The following UPK1A variants were observed in gnomAD, a reference collection of about 807,000 sequenced individuals.
UPK1A encodes uroplakin-1a.
Under a neutral mutation model 32.3 loss-of-function variants are expected in UPK1A, and 31 were observed. The ratio of observed to expected loss-of-function variants is 0.96; its 90% CI spans 0.72 to 1.30. The LOEUF (loss-of-function observed/expected upper bound fraction) is 1.30, where lower values mean the gene tolerates loss of function less well. Among genes scored for constraint, UPK1A ranks in the 50% most tolerant of loss-of-function variants. The probability of loss-of-function intolerance (pLI) is 0.00; values close to 1 mark genes in which losing one functional copy is unlikely to be tolerated. For missense variants in UPK1A, 340 were observed against 357.4 expected, an observed-to-expected ratio of 0.95 and a Z score of 0.39; for synonymous variants, 135 against 137.1, an observed-to-expected ratio of 0.98 and a Z score of 0.11.
At chr19:35,672,290 C>G (rs1230369208) in intron 3 of UPK1A, among the ~76,000 whole-genome samples, 2 of 152,196 alleles carry the variant, frequency 1.3e-5, no homozygotes, top group African/African-American at 4.8e-5. Flanking sequence ...GAGACAGGGT[C>G]TCACTCTGTT....
chr19:35,673,395 C>T lies in UPK1A; in HGVS notation c.361-43C>T, dbSNP rs766261992. The T allele has an allele frequency of 3.7e-6, 6 of 1,611,000 alleles. No individual in the cohort carries two copies. In the Admixed American group the frequency reaches 8.3e-5, roughly 22 times the overall value. ...GCGGGGCGGAGGTCGTCCTCTCTCC[C>T]CACCCAGCCCTGCCGGCCCTTGTTC... On this transcript the variant is annotated intron_variant, in intron 4 of 7. Transcript: ENST00000617999.
chr19:35,676,337 C>T (rs963547481), intron 6 of UPK1A: 12 of 480,676 alleles, frequency 2.5e-5, no homozygotes, highest in East Asian at 2.2e-4. Flanking sequence ...ATTACAGGTG[C>T]GCACCACCCT....
chr19:35,677,935 T>TGGGGGGG lies in UPK1A; in HGVS notation c.733-34_733-33insGGGGGGG. The TGGGGGGG allele has an allele frequency of 2.7e-6, 3 of 1,126,082 alleles. No individual in the cohort carries two copies. The Admixed American group carries it at 6.0e-5, about 23-fold the overall frequency. 69.8% of individuals were successfully genotyped at this position (1,126,082 alleles called of 1,614,324 possible). A position where few individuals can be genotyped will look rare whatever the true frequency, so the allele number is the denominator to read the frequency against. ...GCCCACAGGCTGGGTGGGCTGGGGG[T>TGGGGGGG]GGGGGGCGGAGTGCCCTCATCTCGC... On this transcript the variant is annotated intron_variant, in intron 7 of 7. Transcript: ENST00000617999.
chr19:35,667,490 G>A lies in UPK1A; in HGVS notation c.84+594G>A, dbSNP rs574811111. On this transcript the variant is annotated intron_variant, in intron 2 of 7. Coordinates refer to ENST00000617999, the Ensembl canonical transcript of UPK1A. ...TGGGATTACAGGCGCACACCACCAC[G>A]CCCGGCTAATTTTTTTTTTTTCAGA... is the stretch of plus-strand genomic sequence containing the variant. Among the ~76,000 whole-genome samples, 21 of 144,844 alleles carry A rather than the reference G, an allele frequency of 1.4e-4. No homozygotes were observed. The South Asian group carries it at 4.1e-3, about 28-fold the overall frequency.
At chr19:35,671,318 C>T (rs190386077) in intron 3 of UPK1A, among the ~76,000 whole-genome samples, 2,162 of 142,042 alleles carry the variant, frequency 0.015, 69 homozygotes, top group African/African-American at 0.053. Flanking sequence ...ACCCGGGAGG[C>T]GCAGCTTGCA....
At chr19:35,672,514 C>T (rs1003152423) in intron 3 of UPK1A, among the ~76,000 whole-genome samples, 8 of 152,226 alleles carry the variant, frequency 5.3e-5, no homozygotes, top group East Asian at 3.9e-4. Flanking sequence ...GTGATCCACC[C>T]GTCTCAACCT....
Position 35,674,241 on chromosome 19 carries a change from CTTTTT to C in UPK1A, c.468+715_468+719del, listed in dbSNP as rs35857173. Among the ~76,000 whole-genome samples, 8 of 98,980 alleles carry C rather than the reference CTTTTT, an allele frequency of 8.1e-5. No individual in the cohort carries two copies. In the Admixed American group the frequency reaches 8.2e-4, roughly 10 times the overall value. 64.9% of individuals were successfully genotyped at this position (98,980 alleles called of 152,430 possible). On this transcript the variant is annotated intron_variant, in intron 5 of 7. Coordinates refer to ENST00000617999, the Ensembl canonical transcript of UPK1A. ...AGCACATTTTTTTTTTTCTTTTTAT[CTTTTT>C]TTTTTTTTTTTTTTTTTTGAGACAG...
At position 35,674,392 on chromosome 19, in the gene UPK1A, G is replaced by A. The variant is rs889256386; in HGVS notation, c.468+847G>A. Among the ~76,000 whole-genome samples the A allele has an allele frequency of 7.2e-5, 11 of 151,728 alleles. No individual in the cohort carries two copies. In the East Asian group the frequency reaches 1.4e-3, roughly 19 times the overall value. ...CTCCCGAATAGCTGGGACTACAGGC[G>A]CCTGCCACCGCGCCCAGCTGATTTT... On this transcript the variant is annotated intron_variant, in intron 5 of 7. Transcript: ENST00000617999.
intron 2 of UPK1A, chr19:35,667,913 C>T (rs1968022771): frequency 5.3e-6 from 1 of 189,342 alleles, no homozygotes; most frequent in African/African-American, 2.4e-5. Flanking sequence ...CCTCAGCCTC[C>T]CAAGTAGCTG....
chr19:35,668,752 C>T (rs1962472762), intron 3 of UPK1A, 98 bp downstream of exon 3: 1 of 1,330,536 alleles, frequency 7.5e-7, no homozygotes, highest in Non-Finnish European at 1.0e-6. Context: ...AGTGTGAGTT[C>T]CCCATGGTGT....
At chr19:35,670,799 C>G (rs1005981424) in intron 3 of UPK1A, among the ~76,000 whole-genome samples, 14 of 149,406 alleles carry the variant, frequency 9.4e-5, no homozygotes, top group Non-Finnish European at 1.8e-4. Flanking sequence ...ATTGCCACCT[C>G]GAACTCTTCA....
exon 8 of UPK1A, chr19:35,678,339 A>C: frequency 3.4e-6 from 1 of 290,782 alleles, no homozygotes; most frequent in Non-Finnish European, 6.5e-6. Context: ...ATTCTTGCTG[A>C]ACCGTTTGTG....
chr19:35,667,796 G>T (rs985982549), intron 2 of UPK1A, among the ~76,000 whole-genome samples: 4 of 150,896 alleles, frequency 2.7e-5, no homozygotes, highest in African/African-American at 9.8e-5. Context: ...GACTGGCCGT[G>T]TGTTTGTTTT....
intron 6 of UPK1A, 92 bp from the exon 7 acceptor site, chr19:35,677,720 G>C (rs1347644996): frequency 6.8e-7 from 1 of 1,464,584 alleles, no homozygotes; most frequent in Non-Finnish European, 9.4e-7. Context: ...CTCAGGGAAG[G>C]TGGTGACTTT....
In UPK1A at chr19:35,673,565, T is replaced by C; in HGVS notation, c.468+20T>C. The C allele has an allele frequency of 1.2e-6, 2 of 1,610,022 alleles. No homozygotes were observed. The highest frequency in any genetic ancestry group is 1.7e-6 in the Non-Finnish European group (2 of 1,177,874). ...ATTGAGGTGGGCGGGGTGGACCGGG[T>C]GCTGGGAGGGCCCTGGGCTCCGTCC... On this transcript the variant is annotated intron_variant, in intron 5 of 7. Transcript: ENST00000617999.
chr19:35,676,409 CG>C (rs1450181037), intron 6 of UPK1A: 1 of 313,430 alleles, frequency 3.2e-6, no homozygotes, highest in Non-Finnish European at 6.2e-6. Context: ...AGGCTGGTCT[CG>C]AACTCCTGAG....
chr19:35,666,942 G>A, intron 2 of UPK1A, 46 bp downstream of exon 2: 1 of 1,602,682 alleles, frequency 6.2e-7, no homozygotes, highest in South Asian at 1.1e-5. Context: ...GTGTGGTGGG[G>A]AGGGGACAGT....
chr19:35,668,521 T>C (rs762275509), exon 3 of UPK1A: 1 of 1,614,194 alleles, frequency 6.2e-7, no homozygotes, highest in Non-Finnish European at 8.5e-7. Context: ...GTATACCCAC[T>C]GATGGGAGTC....
In UPK1A at chr19:35,666,729, G is replaced by A. The variant is rs1052224723; in HGVS notation, c.-4-80G>A. 10 of 1,438,136 alleles carry A rather than the reference G, an allele frequency of 7.0e-6. No individual in the cohort carries two copies. In the African/African-American group the frequency reaches 7.0e-5, roughly 10 times the overall value. 89.1% of individuals were successfully genotyped at this position (1,438,136 alleles called of 1,614,324 possible). ...CCGCAGAGAGCTGGAGCAACCCCTCGAAGCCAGGGTGTGGCTCAGAGATGG... is the reference window on the plus strand; with the variant it reads ...CCGCAGAGAGCTGGAGCAACCCCTCAAAGCCAGGGTGTGGCTCAGAGATGG... On this transcript the variant is annotated intron_variant, in intron 1 of 7. Transcript: ENST00000617999.
Sources: gnomAD v4.1 joint callset for allele counts (sites outside exome capture counted in the v4.1 genomes callset) on GRCh38, gnomAD v4.1.1 for gene constraint, MANE v1.5 for transcripts, NCBI Gene and HGNC (gene_info 2026-07-23, HGNC 2026-07-21) for gene names.